Variants in MYO1E observed in about 807,000 individuals in gnomAD.
The protein encoded by MYO1E is unconventional myosin-Ie.
In MYO1E, 68 loss-of-function variants were observed where a neutral mutation model predicts 151.1. The observed-to-expected ratio is 0.45, with a 90% CI of 0.37 to 0.55. The LOEUF is 0.55. MYO1E is among the 20% of genes least tolerant of loss of function. MYO1E has a pLI of 0.00. For missense variants in MYO1E, 1,363 were observed against 1,389.3 expected, an observed-to-expected ratio of 0.98 and a Z score of 0.30; for synonymous variants, 601 against 501.7, an observed-to-expected ratio of 1.20 and a Z score of -2.64.
chr15:59,334,295 ATAAG>A (rs2140424811), intron 1 of MYO1E, among the ~76,000 whole-genome samples: 1 of 152,308 alleles, frequency 6.6e-6, no homozygotes, highest in African/African-American at 2.4e-5. Context: ...AAATAAATAA[ATAAG>A]TAAAAATAAC....
chr15:59,224,870 A>T, intron 7 of MYO1E, 47 bp from the exon 8 acceptor site: 1 of 1,613,494 alleles, frequency 6.2e-7, no homozygotes, highest in South Asian at 1.1e-5. Flanking sequence ...ACCACAAGGC[A>T]CCCGAAGTCA....
At chr15:59,170,937 C>A (rs866273371) in intron 22 of MYO1E, among the ~76,000 whole-genome samples, 5 of 152,186 alleles carry the variant, frequency 3.3e-5, no homozygotes, top group African/African-American at 4.8e-5. Flanking sequence ...GTTTGACAGG[C>A]GTCCCAATTC....
chr15:59,324,159 T>C (rs2080647166), intron 1 of MYO1E, among the ~76,000 whole-genome samples: 2 of 152,050 alleles, frequency 1.3e-5, no homozygotes, highest in South Asian at 4.1e-4. Context: ...CATATATCCG[T>C]GTGGGCAGTG....
intron 21 of MYO1E, among the ~76,000 whole-genome samples, chr15:59,173,373 C>T (rs566653591): frequency 6.6e-6 from 1 of 152,318 alleles, no homozygotes; most frequent in East Asian, 1.9e-4. Context: ...AAATGGAATA[C>T]TATGCAGCCA....
intron 1 of MYO1E, among the ~76,000 whole-genome samples, chr15:59,363,373 C>T (rs1167229861): frequency 6.6e-6 from 1 of 152,194 alleles, no homozygotes; most frequent in Non-Finnish European, 1.5e-5. Flanking sequence ...ACTCAGAACA[C>T]TACTACTCAT....
intron 26 of MYO1E, among the ~76,000 whole-genome samples, chr15:59,142,255 C>T (rs558210190): frequency 2.0e-5 from 3 of 152,306 alleles, no homozygotes; most frequent in South Asian, 4.1e-4. Flanking sequence ...CCCACAGATG[C>T]TAATTTGTCC....
chr15:59,370,983 G>A (rs1391178761), intron 1 of MYO1E, among the ~76,000 whole-genome samples: 3 of 152,144 alleles, frequency 2.0e-5, no homozygotes, highest in Non-Finnish European at 2.9e-5. Flanking sequence ...GTTCTCTGCT[G>A]GGGTGAGGGA....
At chr15:59,200,144 A>C (rs1378063899) in intron 16 of MYO1E, among the ~76,000 whole-genome samples, 1 of 152,176 alleles carries the variant, frequency 6.6e-6, no homozygotes, top group Admixed American at 6.5e-5. Context: ...CAAGTCTTTA[A>C]GGAGGAAAAA....
chr15:59,230,217 T>TGTGA (rs1555412942), intron 6 of MYO1E, among the ~76,000 whole-genome samples: 1 of 105,282 alleles, frequency 9.5e-6, no homozygotes, highest in Admixed American at 9.0e-5. Context: ...AGAGAGACAG[T>TGTGA]GTGTGTTTGT....
intron 3 of MYO1E, among the ~76,000 whole-genome samples, chr15:59,258,600 C>T (rs1360073528): frequency 2.0e-5 from 3 of 152,204 alleles, no homozygotes; most frequent in African/African-American, 7.2e-5. Context: ...TGCCTGTAAT[C>T]CCAGCACTTT....
chr15:59,322,179 ATT>A, intron 1 of MYO1E, among the ~76,000 whole-genome samples: 1 of 120,630 alleles, frequency 8.3e-6, no homozygotes, highest in Non-Finnish European at 1.5e-5. Flanking sequence ...TGTCTCAAAA[ATT>A]AAAAAAAAAA....
intron 24 of MYO1E, among the ~76,000 whole-genome samples, chr15:59,160,768 C>G (rs939139238): frequency 6.6e-6 from 1 of 151,876 alleles, no homozygotes; most frequent in African/African-American, 2.4e-5. Context: ...GTATTGTGGA[C>G]AAGATCTGAC....
rs766706539 is a variant in MYO1E at position 59,210,543 on chromosome 15, T to C, written c.1333A>G (p.Ile445Val). Residue 445 changes from isoleucine (I) to valine (V), a missense_variant, in exon 13 of 28, where the codon ATC (isoleucine) becomes GTC (valine). Physicochemically the swap from Ile to Val is conservative, Grantham distance 29 (BLOSUM62 3). Coordinates refer to ENST00000288235, the MANE Select transcript of MYO1E (RefSeq NM_004998.4). ...TTGTTCTCTATGAGGTCACATACGA[T>C]TTTATTATTAAAGTACTCAATGGGT... Reference protein sequence around the residue: ...WTPIEYFNNKIVCDLIENKVN... With the variant: ...WTPIEYFNNKVVCDLIENKVN... 30 of 1,604,184 alleles carry C rather than the reference T, an allele frequency of 1.9e-5. No individual in the cohort carries two copies. The South Asian group carries it at 3.1e-4, about 16-fold the overall frequency.
intron 4 of MYO1E, among the ~76,000 whole-genome samples, chr15:59,244,880 T>C (rs1167609881): frequency 6.6e-6 from 1 of 152,198 alleles, no homozygotes; most frequent in African/African-American, 2.4e-5. Flanking sequence ...ATATATTAAT[T>C]AGGCAGCCCT....
chr15:59,303,163 T>A (rs540573097), intron 1 of MYO1E, among the ~76,000 whole-genome samples: 19 of 152,326 alleles, frequency 1.2e-4, no homozygotes, highest in Admixed American at 3.9e-4. Flanking sequence ...TAAATTTGAT[T>A]GTTAGAATTA....
intron 17 of MYO1E, among the ~76,000 whole-genome samples, chr15:59,188,809 A>G (rs1358567072): frequency 6.6e-6 from 1 of 152,216 alleles, no homozygotes; most frequent in African/African-American, 2.4e-5. Context: ...TCTATCACCT[A>G]GAGTATGAAC....
intron 2 of MYO1E, among the ~76,000 whole-genome samples, chr15:59,269,915 A>G (rs1190246095): frequency 6.6e-6 from 1 of 152,060 alleles, no homozygotes; most frequent in African/African-American, 2.4e-5. Context: ...TTTTTTCTGC[A>G]AAGGGCCAGA....
At chr15:59,363,923 C>T (rs1037267851) in intron 1 of MYO1E, among the ~76,000 whole-genome samples, 10 of 152,112 alleles carry the variant, frequency 6.6e-5, no homozygotes, top group East Asian at 1.9e-4. Flanking sequence ...TACAGGTGCC[C>T]GCCACCCCAC....
intron 2 of MYO1E, among the ~76,000 whole-genome samples, chr15:59,268,279 CTG>C (rs1490469619): frequency 1.3e-5 from 2 of 152,234 alleles, no homozygotes; most frequent in African/African-American, 4.8e-5. Context: ...GAAAGCTACT[CTG>C]TGCTAATGAT....
Sources: allele counts gnomAD v4.1 joint callset (sites outside exome capture counted in the v4.1 genomes callset), GRCh38; gene constraint gnomAD v4.1.1; transcripts MANE v1.5; gene names NCBI Gene and HGNC (gene_info 2026-07-23, HGNC 2026-07-21).